Variants in DIS3L2 observed in about 807,000 individuals in gnomAD.
DIS3L2 encodes the protein DIS3 like 3'-5' exoribonuclease 2, also known as DIS3-like exonuclease 2.
Under a neutral mutation model 97.5 loss-of-function variants are expected in DIS3L2, and 34 were observed. The ratio of observed to expected loss-of-function variants is 0.35; its 90% CI spans 0.27 to 0.46. DIS3L2 has a LOEUF of 0.46. Among genes scored for constraint, DIS3L2 ranks in the 20% least tolerant of loss-of-function variants. DIS3L2 has a pLI of 1.00. For missense variants in DIS3L2, 1,038 were observed against 1,146.0 expected, an observed-to-expected ratio of 0.91 and a Z score of 1.36; for synonymous variants, 435 against 445.2, an observed-to-expected ratio of 0.98 and a Z score of 0.29.
At chr2:232,029,515 G>C (rs1020254976) in intron 4 of DIS3L2, among the ~76,000 whole-genome samples, 2 of 152,038 alleles carry the variant, frequency 1.3e-5, no homozygotes, top group African/African-American at 2.4e-5. Flanking sequence ...TGGAGTTCAC[G>C]GTGGTCCTAA....
At chr2:232,220,478 G>C (rs1411507328) in intron 10 of DIS3L2, among the ~76,000 whole-genome samples, 1 of 152,162 alleles carries the variant, frequency 6.6e-6, no homozygotes, top group African/African-American at 2.4e-5. Flanking sequence ...GGGAGGCCGA[G>C]GCGGGCAGAT....
chr2:232,303,201 C>T (rs138437593), intron 14 of DIS3L2, among the ~76,000 whole-genome samples: 2 of 152,318 alleles, frequency 1.3e-5, no homozygotes, highest in East Asian at 3.9e-4. Context: ...CAAAGGCAGA[C>T]TCCTCACTCA....
exon 14 of DIS3L2, chr2:232,343,587 G>C (rs769007360): frequency 6.3e-7 from 1 of 1,575,554 alleles, no homozygotes; most frequent in South Asian, 1.2e-5. Flanking sequence ...GAAGCATGTG[G>C]AATTCCTTGT....
At position 232,263,828 on chromosome 2, in the gene DIS3L2, G is replaced by A. The variant is rs182179440; in HGVS notation, c.1659+388G>A. Among the ~76,000 whole-genome samples, 11 of 152,242 alleles carry A rather than the reference G, an allele frequency of 7.2e-5. No homozygotes were observed. The East Asian group carries it at 7.7e-4, about 11-fold the overall frequency. On this transcript the variant is annotated intron_variant, in intron 13 of 20. Transcript: ENST00000325385. ...TAATGGAGGCAAGAATAGGAGACAC[G>A]GAAATTTAGGAGGCAGCTGACCAGT...
chr2:232,243,268 A>AAGGAGC (rs1376241711), intron 11 of DIS3L2, among the ~76,000 whole-genome samples: 1 of 152,186 alleles, frequency 6.6e-6, no homozygotes, highest in Non-Finnish European at 1.5e-5. Flanking sequence ...GAGAACATTC[A>AAGGAGC]AGGAGCAGTA....
At chr2:232,060,184 G>C (rs1695664568) in intron 5 of DIS3L2, among the ~76,000 whole-genome samples, 1 of 151,822 alleles carries the variant, frequency 6.6e-6, no homozygotes, top group East Asian at 1.9e-4. Context: ...CCATTTTGTG[G>C]GTTGTCTCTT....
At chr2:232,343,282 T>C (rs1696154389) in intron 13 of DIS3L2, 3 of 1,401,074 alleles carry the variant, frequency 2.1e-6, no homozygotes, top group Non-Finnish European at 2.9e-6. Flanking sequence ...TTCACTGGAA[T>C]TGCAAAGGCC....
rs116645969 is a variant in DIS3L2 at position 231,975,336 on chromosome 2, A to G, written c.-94+13571A>G. Among the ~76,000 whole-genome samples, 596 of 152,160 alleles carry G rather than the reference A, an allele frequency of 3.9e-3. 3 individuals carry two copies. Among genetic ancestry groups the G allele is most frequent in the African/African-American group, 0.014 (566 of 41,516 alleles). ...CTTTCCAATATTATTATTATATATT[A>G]TATCTCTTTGAGGCTAAGAATCCAG... On this transcript the variant is annotated intron_variant, in intron 1 of 20. Transcript: ENST00000325385.
At chr2:232,329,785 T>TCCCCGGGGGGGGGGCCC in intron 14 of DIS3L2, 28 bp from the exon 15 acceptor site, 21 of 967,122 alleles carry the variant, frequency 2.2e-5, no homozygotes, top group South Asian at 4.2e-5. Context: ...ACCCCAGCGG[T>TCCCCGGGGGGGGGGCCC]CCCTCCCATC....
intron 14 of DIS3L2, among the ~76,000 whole-genome samples, chr2:232,324,786 A>G (rs559550701): frequency 6.6e-6 from 1 of 152,366 alleles, no homozygotes; most frequent in South Asian, 2.1e-4. Flanking sequence ...ATTCGAGGCC[A>G]GGAACTTGAA....
intron 9 of DIS3L2, among the ~76,000 whole-genome samples, chr2:232,176,338 T>G (rs1691151203): frequency 6.6e-6 from 1 of 152,224 alleles, no homozygotes; most frequent in Non-Finnish European, 1.5e-5. Context: ...TTTGAATCTC[T>G]CCCCCTCTCT....
At chr2:232,117,223 G>A (rs1697751890) in intron 6 of DIS3L2, among the ~76,000 whole-genome samples, 1 of 152,164 alleles carries the variant, frequency 6.6e-6, no homozygotes, top group South Asian at 2.1e-4. Flanking sequence ...GGCTAGCTCT[G>A]TTCACCTCTC....
intron 13 of DIS3L2, among the ~76,000 whole-genome samples, chr2:232,275,212 G>T (rs1694110014): frequency 6.6e-6 from 1 of 152,118 alleles, no homozygotes; most frequent in African/African-American, 2.4e-5. Context: ...TAGGTGCCTG[G>T]TGCGGAACAC....
At chr2:232,016,528 G>C (rs1694357535) in intron 3 of DIS3L2, among the ~76,000 whole-genome samples, 1 of 152,146 alleles carries the variant, frequency 6.6e-6, no homozygotes. Flanking sequence ...GGTGACCCTC[G>C]TGGTAGGTAT....
chr2:232,215,312 C>T, intron 10 of DIS3L2, among the ~76,000 whole-genome samples: 1 of 152,096 alleles, frequency 6.6e-6, no homozygotes, highest in Non-Finnish European at 1.5e-5. Context: ...GCTCTGCTGC[C>T]CGCTCACATT....
chr2:232,192,628 C>G (rs969266758), intron 9 of DIS3L2, among the ~76,000 whole-genome samples: 6 of 152,172 alleles, frequency 3.9e-5, no homozygotes, highest in African/African-American at 1.2e-4. Context: ...CCCTCTGCCT[C>G]CCCACACCTG....
At chr2:232,218,358 G>A (rs759848166) in intron 10 of DIS3L2, among the ~76,000 whole-genome samples, 7 of 152,128 alleles carry the variant, frequency 4.6e-5, no homozygotes, top group Non-Finnish European at 8.8e-5. Context: ...AGGTATGTCT[G>A]GGTTTGAATC....
Position 232,101,222 on chromosome 2 carries a change from A to AG in DIS3L2, c.601+13501_601+13502insG, listed in dbSNP as rs1028606956. ...CACTCCAGCCTGGGTGATAGAGTGA[A>AG]AAAAAAAAAAAAGATATACCTTCCA... On this transcript the variant is annotated intron_variant, in intron 6 of 20. Transcript: ENST00000325385. 3.4e-4 allele frequency among the ~76,000 whole-genome samples: 50 copies of AG among 147,250 alleles called. 1 individual carries two copies. The South Asian group carries it at 0.01, about 30-fold the overall frequency.
intron 6 of DIS3L2, among the ~76,000 whole-genome samples, chr2:232,127,897 A>G (rs976707460): frequency 6.6e-6 from 1 of 152,060 alleles, no homozygotes; most frequent in Non-Finnish European, 1.5e-5. Context: ...AATCTAAATC[A>G]TATGTCCTTT....
Sources: gnomAD v4.1 joint callset for allele counts (sites outside exome capture counted in the v4.1 genomes callset) on GRCh38, gnomAD v4.1.1 for gene constraint, MANE v1.5 for transcripts, NCBI Gene and HGNC (gene_info 2026-07-23, HGNC 2026-07-21) for gene names.